DLG2: variants seen among roughly 807,000 people sequenced by gnomAD.
DLG2 encodes the protein discs large MAGUK scaffold protein 2.
Under a neutral mutation model 132.5 loss-of-function variants are expected in DLG2, and 45 were observed. The observed-to-expected ratio is 0.34, with a 90% CI of 0.27 to 0.44. The LOEUF (loss-of-function observed/expected upper bound fraction) is 0.44. DLG2 is among the 20% of genes least tolerant of loss of function. The pLI, the probability that DLG2 is intolerant of heterozygous loss-of-function variation, is 1.00. For synonymous variants in DLG2, 424 were observed against 419.6 expected (o/e 1.01, Z -0.13); for missense variants, 1,045 against 1,196.9 (o/e 0.87, Z 1.87).
At chr11:85,138,722 C>T (rs2076275796) in intron 5 of DLG2, among the ~76,000 whole-genome samples, 1 of 152,052 alleles carries the variant, frequency 6.6e-6, no homozygotes, top group Non-Finnish European at 1.5e-5. Context: ...GGGATTTATG[C>T]TTTTGCTTCT....
intron 18 of DLG2, among the ~76,000 whole-genome samples, chr11:83,769,557 CTTCT>C (rs2094293734): frequency 6.8e-6 from 1 of 146,214 alleles, no homozygotes; most frequent in African/African-American, 2.5e-5. Flanking sequence ...ATGACTCTAG[CTTCT>C]TTTTTTTTTT....
intron 3 of DLG2, among the ~76,000 whole-genome samples, chr11:85,365,275 A>G (rs2084454056): frequency 6.6e-6 from 1 of 152,168 alleles, no homozygotes; most frequent in Non-Finnish European, 1.5e-5. Flanking sequence ...AGAAAACAAT[A>G]ATGGGAGAGA....
rs1276934234 is a variant in DLG2 at position 85,243,043 on chromosome 11, AGTAG to A, written c.186+42173_186+42176del. Among the ~76,000 whole-genome samples the A allele has an allele frequency of 1.2e-3, 181 of 152,096 alleles. 1 individual carries two copies. Among genetic ancestry groups the A allele is most frequent in the African/African-American group, 4.2e-3 (173 of 41,532 alleles). Reference sequence around the variant, plus strand: ...AAGGCAAAAGCAGAGGAGAATCAAAAGTAGAATTCAAACTGTTTTTTCTTTTAAT... The same window carrying A: ...AAGGCAAAAGCAGAGGAGAATCAAAAAATTCAAACTGTTTTTTCTTTTAAT... On this transcript the variant is annotated intron_variant, in intron 4 of 27. Transcript: ENST00000376104.
At chr11:83,535,144 A>G (rs1276611529) in intron 20 of DLG2, among the ~76,000 whole-genome samples, 1 of 152,152 alleles carries the variant, frequency 6.6e-6, no homozygotes, top group African/African-American at 2.4e-5. Context: ...CTCGATTTTA[A>G]TCCAAGGGCA....
chr11:84,970,067 G>C (rs1592011382), intron 6 of DLG2, among the ~76,000 whole-genome samples: 1 of 152,012 alleles, frequency 6.6e-6, no homozygotes, highest in East Asian at 1.9e-4. Flanking sequence ...ACCTAATGTA[G>C]ATGATAGCTT....
chr11:84,569,697 G>A (rs970805827), intron 6 of DLG2, among the ~76,000 whole-genome samples: 4 of 152,160 alleles, frequency 2.6e-5, no homozygotes, highest in Non-Finnish European at 5.9e-5. Flanking sequence ...ATATTGCTCA[G>A]TTAGTATTTA....
intron 18 of DLG2, among the ~76,000 whole-genome samples, chr11:83,704,645 C>T (rs1403118625): frequency 2.1e-5 from 3 of 143,564 alleles, no homozygotes; most frequent in East Asian, 2.0e-4. Flanking sequence ...GGTGAAACCC[C>T]GTCTCTACTA....
At chr11:84,240,936 C>G (rs980701714) in intron 8 of DLG2, among the ~76,000 whole-genome samples, 2 of 152,020 alleles carry the variant, frequency 1.3e-5, no homozygotes, top group African/African-American at 4.8e-5. Context: ...AAAGCCGATA[C>G]CAAGCAAAAA....
At position 83,456,572 on chromosome 11, in the gene DLG2, GAGAA is replaced by G. The variant is rs1349854408; in HGVS notation, c.*3242_*3245del. On this transcript the variant is annotated 3_prime_UTR_variant, in exon 28 of 28. Transcript: ENST00000376104. ...AGACTAAAGGAGAGGTGGACAAAAA[GAGAA>G]AGGGAATAGAGAAGGATTATAGGAG... 1 of 151,548 alleles carries G rather than the reference GAGAA, an allele frequency of 6.6e-6. No individual in the cohort carries two copies. The highest frequency in any genetic ancestry group is 2.4e-5 in the African/African-American group (1 of 41,146). 9.4% of individuals were successfully genotyped at this position (151,548 alleles called of 1,614,324 possible). A position where few individuals can be genotyped will look rare whatever the true frequency, so the allele number is the denominator to read the frequency against.
At chr11:84,944,744 A>G (rs754629142) in intron 6 of DLG2, among the ~76,000 whole-genome samples, 1 of 151,590 alleles carries the variant, frequency 6.6e-6, no homozygotes, top group Non-Finnish European at 1.5e-5. Flanking sequence ...AGCTGGGACT[A>G]CAGGCATGTG....
chr11:84,830,300 AG>A (rs1408172251), intron 6 of DLG2, among the ~76,000 whole-genome samples: 1 of 151,376 alleles, frequency 6.6e-6, no homozygotes, highest in East Asian at 2.0e-4. Context: ...ATAAAAATGT[AG>A]GGGGTCTCTA....
chr11:83,580,885 T>C (rs2096961706), intron 19 of DLG2, among the ~76,000 whole-genome samples: 3 of 102,446 alleles, frequency 2.9e-5, no homozygotes, highest in Non-Finnish European at 5.9e-5. Flanking sequence ...TCTCCCCTCC[T>C]CTCCCCTCCC....
chr11:85,362,650 G>A (rs1012184201), intron 3 of DLG2, among the ~76,000 whole-genome samples: 2 of 151,312 alleles, frequency 1.3e-5, no homozygotes, highest in Non-Finnish European at 2.9e-5. Flanking sequence ...GACTTCCACA[G>A]ACTTTTCTTT....
At chr11:85,299,960 A>G (rs921981940) in intron 3 of DLG2, among the ~76,000 whole-genome samples, 3 of 152,220 alleles carry the variant, frequency 2.0e-5, no homozygotes, top group Non-Finnish European at 2.9e-5. Context: ...CAGATATAAT[A>G]TATGTATGCC....
chr11:84,230,989 A>C (rs965445215), intron 8 of DLG2, among the ~76,000 whole-genome samples: 15 of 152,340 alleles, frequency 9.8e-5, no homozygotes, highest in African/African-American at 3.6e-4. Context: ...CTCAGAATAT[A>C]CATTGTCTTC....
intron 6 of DLG2, among the ~76,000 whole-genome samples, chr11:84,895,915 C>T (rs2090123993): frequency 6.6e-6 from 1 of 152,066 alleles, no homozygotes; most frequent in Non-Finnish European, 1.5e-5. Context: ...TTCACCAGGG[C>T]ACCTACCACT....
At chr11:84,174,407 C>T (rs2095899092) in intron 8 of DLG2, among the ~76,000 whole-genome samples, 1 of 152,106 alleles carries the variant, frequency 6.6e-6, no homozygotes, top group South Asian at 2.1e-4. Context: ...ATACCATCCA[C>T]CAGCTGTCCC....
intron 6 of DLG2, among the ~76,000 whole-genome samples, chr11:84,894,526 A>C (rs1461632572): frequency 6.6e-6 from 1 of 152,140 alleles, no homozygotes; most frequent in Non-Finnish European, 1.5e-5. Flanking sequence ...TACTTGGTGG[A>C]GTACTTAGTA....
chr11:84,789,878 C>T (rs954831969), intron 6 of DLG2, among the ~76,000 whole-genome samples: 11 of 152,104 alleles, frequency 7.2e-5, no homozygotes, highest in African/African-American at 2.7e-4. Context: ...AATATAATGA[C>T]CTCCAATTCT....
Sources: gnomAD v4.1 joint callset for allele counts (sites outside exome capture counted in the v4.1 genomes callset) on GRCh38, gnomAD v4.1.1 for gene constraint, MANE v1.5 for transcripts, NCBI Gene and HGNC (gene_info 2026-07-23, HGNC 2026-07-21) for gene names.